RAI1: variants seen among roughly 807,000 people sequenced by gnomAD.
RAI1 encodes retinoic acid-induced protein 1.
Under a neutral mutation model 123.8 loss-of-function variants are expected in RAI1, and 9 were observed. The observed-to-expected ratio is 0.07, with a 90% CI of 0.04 to 0.13. The LOEUF (loss-of-function observed/expected upper bound fraction) is 0.13. Among genes scored for constraint, RAI1 ranks in the 10% least tolerant of loss-of-function variants. The pLI is 1.00. For missense variants in RAI1, 2,256 were observed against 2,545.8 expected (o/e 0.89, Z 2.45); for synonymous variants, 1,231 against 1,127.3 (o/e 1.09, Z -1.84).
chr17:17,778,988 T>C (rs1210685840), intron 2 of RAI1: 1 of 433,880 alleles, frequency 2.3e-6, no homozygotes, highest in East Asian at 7.1e-5. Flanking sequence ...TTCTGTTCAC[T>C]CTGGGAGAAA....
chr17:17,735,816 G>T (rs764360590), intron 2 of RAI1, among the ~76,000 whole-genome samples: 3 of 152,226 alleles, frequency 2.0e-5, no homozygotes, highest in African/African-American at 7.2e-5. Flanking sequence ...AGTGCCTAGG[G>T]CTGTGTATCT....
chr17:17,681,581 C>T lies in RAI1; in HGVS notation c.-361C>T, dbSNP rs1221360118. On this transcript the variant is annotated 5_prime_UTR_variant, in exon 1 of 6. Coordinates refer to ENST00000353383, the MANE Select transcript of RAI1 (RefSeq NM_030665.4). ...GGGCTCCGAGAGACGAGTGGGAGAG[C>T]GAGTGCAGCGAGGGCGAGAGGCGAG... 3.1e-5 allele frequency: 6 copies of T among 190,988 alleles called. No homozygotes were observed. Among genetic ancestry groups the T allele is most frequent in the Admixed American group, 2.4e-4 (4 of 16,494 alleles). 11.8% of individuals were successfully genotyped at this position (190,988 alleles called of 1,614,324 possible).
chr17:17,796,403 C>G lies in RAI1; in HGVS notation c.3455C>G (p.Thr1152Ser). Residue 1152 changes from threonine (T) to serine (S), a missense_variant, in exon 3 of 6, where the codon ACC becomes AGC. Physicochemically the swap from Thr to Ser is moderately conservative, Grantham distance 58. Around this residue, in one of 7 missense-constraint regions of RAI1, gnomAD observed 322 missense variants for 358.0 expected, o/e 0.90. Coordinates refer to ENST00000353383, the MANE Select transcript of RAI1 (RefSeq NM_030665.4). The surrounding 1 kb of genome is among the most constrained non-coding windows in gnomAD (Gnocchi z 5.8). ...ATGATCCTTCGGTCACGCACCAAAA[C>G]CCAGGAGATCTTCCACTCCAAGCGG... ...RSMILRSRTK[T>S]QEIFHSKRRR... 1 of 1,613,736 alleles carries G rather than the reference C, an allele frequency of 6.2e-7. No individual in the cohort carries two copies. The highest frequency in any genetic ancestry group is 8.5e-7 in the Non-Finnish European group (1 of 1,180,026).
intron 1 of RAI1, among the ~76,000 whole-genome samples, chr17:17,720,790 C>T (rs1351955292): frequency 6.6e-6 from 1 of 152,166 alleles, no homozygotes; most frequent in Non-Finnish European, 1.5e-5. Flanking sequence ...TTGTGACTCT[C>T]CATGATACCA....
At position 17,809,931 on chromosome 17, in the gene RAI1, C is replaced by A. The variant is rs2779182; in HGVS notation, c.5710-39C>A. On this transcript the variant is annotated intron_variant, in intron 5 of 5. Coordinates refer to ENST00000353383, the MANE Select transcript of RAI1 (RefSeq NM_030665.4). The surrounding 1 kb of genome is among the most constrained non-coding windows in gnomAD (Gnocchi z 4.9). ...GGCGGGGCCTATGGACTGTGAAGTC[C>A]GAGGTCGTCGGTAACTGGCGGGCGG... is the stretch of plus-strand genomic sequence containing the variant. 823 of 1,558,324 alleles carry A rather than the reference C, an allele frequency of 5.3e-4. 3 individuals are homozygous for A. The African/African-American group carries it at 9.5e-3, about 18-fold the overall frequency.
chr17:17,733,958 G>A (rs1011601323), intron 2 of RAI1, among the ~76,000 whole-genome samples: 1 of 152,140 alleles, frequency 6.6e-6, no homozygotes, highest in African/African-American at 2.4e-5. Flanking sequence ...CTTGGGCCCT[G>A]GGACCACGTG....
Position 17,797,351 on chromosome 17 carries a change from A to G in RAI1, c.4403A>G (p.Tyr1468Cys). ...AAAGGCCCGCTGGAGAAGCGGCCCT[A>G]TCTTGGCCCGGCTCTGCTCCTGACT... The part of the protein sequence containing the change: ...LSKGPLEKRP[Y>C]LGPALLLTPR... The change falls in exon 3 of 6, where the codon TAT (tyrosine) becomes TGT (cysteine). Residue 1468 changes from tyrosine to cysteine, a missense_variant. Around this residue, in one of 7 missense-constraint regions of RAI1, gnomAD observed 410 missense variants for 374.6 expected, o/e 1.09. Coordinates refer to ENST00000353383, the MANE Select transcript of RAI1 (RefSeq NM_030665.4). The G allele has an allele frequency of 1.9e-6, 3 of 1,612,366 alleles. No individual in the cohort carries two copies. The highest frequency in any genetic ancestry group is 2.5e-6 in the Non-Finnish European group (3 of 1,179,696).
At chr17:17,791,245 A>T (rs2032003154) in intron 2 of RAI1, among the ~76,000 whole-genome samples, 2 of 152,168 alleles carry the variant, frequency 1.3e-5, no homozygotes, top group Admixed American at 1.3e-4. Flanking sequence ...TCTGGGGGCC[A>T]TCTGGCTGCC....
chr17:17,719,466 TTGTC>T (rs1418019614), intron 1 of RAI1, among the ~76,000 whole-genome samples: 6 of 152,146 alleles, frequency 3.9e-5, no homozygotes, highest in South Asian at 2.1e-4. Flanking sequence ...CTCACTACCT[TTGTC>T]TGTCAAGTGT....
chr17:17,796,742 G>T lies in RAI1; in HGVS notation c.3794G>T (p.Gly1265Val). The T allele has an allele frequency of 1.2e-6, 2 of 1,613,440 alleles. No homozygotes were observed. Among genetic ancestry groups the T allele is most frequent in the Non-Finnish European group, 1.7e-6 (2 of 1,179,874 alleles). ...GGDGKEERPE[G>V]SPTLFKRMSS... Reference sequence around the variant, plus strand: ...GATGGGAAGGAGGAGAGGCCTGAGGGTTCCCCCACCCTCTTCAAGAGGATG... The same window carrying T: ...GATGGGAAGGAGGAGAGGCCTGAGGTTTCCCCCACCCTCTTCAAGAGGATG... The change falls in exon 3 of 6, where the codon GGT (glycine) becomes GTT (valine). Residue 1265 changes from glycine (G) to valine (V), a missense_variant. By Grantham distance (109) the Gly-to-Val change is moderately radical. Coordinates refer to ENST00000353383, the MANE Select transcript of RAI1 (RefSeq NM_030665.4). The surrounding 1 kb of genome is among the most constrained non-coding windows in gnomAD (Gnocchi z 5.8).
intron 2 of RAI1, chr17:17,777,663 G>A (rs1351322500): frequency 1.3e-5 from 2 of 152,390 alleles, no homozygotes; most frequent in East Asian, 3.9e-4. Context: ...TTTTGGGAAG[G>A]GATGAAGGGA....
At chr17:17,687,586 A>G (rs2142858800) in intron 1 of RAI1, among the ~76,000 whole-genome samples, 1 of 152,130 alleles carries the variant, frequency 6.6e-6, no homozygotes, top group Middle Eastern at 3.4e-3. Flanking sequence ...CTGGAAGGCG[A>G]GATAGGGTCG....
intron 2 of RAI1, among the ~76,000 whole-genome samples, chr17:17,786,369 C>T (rs2031827967): frequency 6.6e-6 from 1 of 152,204 alleles, no homozygotes; most frequent in Non-Finnish European, 1.5e-5. Context: ...TTGTTCTGGA[C>T]AATGGGGAGT....
At chr17:17,694,038 C>G (rs1258654945) in intron 1 of RAI1, among the ~76,000 whole-genome samples, 1 of 152,236 alleles carries the variant, frequency 6.6e-6, no homozygotes, top group Non-Finnish European at 1.5e-5. Flanking sequence ...TGTCCTGGCC[C>G]AGTCAGTGTC....
At chr17:17,739,566 C>T (rs753686456) in intron 2 of RAI1, among the ~76,000 whole-genome samples, 1 of 152,188 alleles carries the variant, frequency 6.6e-6, no homozygotes, top group Non-Finnish European at 1.5e-5. Context: ...GGCTGTGGCC[C>T]CTCCTGCCTT....
At chr17:17,802,224 ACGG>A in intron 3 of RAI1, 1 of 465,022 alleles carries the variant, frequency 2.2e-6, no homozygotes, top group East Asian at 7.0e-5. Context: ...TTAGAGGAGG[ACGG>A]CATCAGATTT....
Position 17,810,090 on chromosome 17 carries a change from T to G in RAI1, c.*109T>G, listed in dbSNP as rs2032700227. Reference sequence around the variant, plus strand: ...CGGGCCTTTGAGCTGCTCCCAGCGCTGGTCCAGAGCCGATCCTTGATCCGG... The same window carrying G: ...CGGGCCTTTGAGCTGCTCCCAGCGCGGGTCCAGAGCCGATCCTTGATCCGG... On this transcript the variant is annotated 3_prime_UTR_variant, in exon 6 of 6. Coordinates refer to ENST00000353383, the MANE Select transcript of RAI1 (RefSeq NM_030665.4). The surrounding 1 kb of genome is among the most constrained non-coding windows in gnomAD (Gnocchi z 4.6). The G allele has an allele frequency of 7.0e-7, 1 of 1,426,526 alleles. No individual in the cohort carries two copies. The highest frequency in any genetic ancestry group is 2.2e-5 in the Admixed American group (1 of 45,134). The allele number at this position is 1,426,526 out of a possible 1,614,324, so 88.4% of individuals were successfully genotyped here.
Position 17,795,232 on chromosome 17 carries a change from C to T in RAI1, c.2284C>T (p.Pro762Ser), listed in dbSNP as rs547045960. 2.5e-6 allele frequency: 4 copies of T among 1,614,032 alleles called. No homozygotes were observed. The highest frequency in any genetic ancestry group is 2.2e-5 in the East Asian group (1 of 44,864). Residue 762 changes from proline to serine, a missense_variant, in exon 3 of 6, where the codon CCT (proline) becomes TCT (serine). Physicochemically the swap from Pro to Ser is moderately conservative, Grantham distance 74. Transcript: ENST00000353383. The surrounding 1 kb of genome is among the most constrained non-coding windows in gnomAD (Gnocchi z 5.9). ...GDACPRWGLHPGELTKGLEQG... is the reference protein window; with the variant it reads ...GDACPRWGLHSGELTKGLEQG... ...TGCTTGTCCCAGGTGGGGATTGCAC[C>T]CTGGCGAGCTTACCAAGGGCCTGGA...
At chr17:17,805,237 G>A (rs2032572443) in intron 4 of RAI1, among the ~76,000 whole-genome samples, 1 of 152,154 alleles carries the variant, frequency 6.6e-6, no homozygotes, top group Admixed American at 6.6e-5. Flanking sequence ...CCTGTATGAT[G>A]GAGATGATAA....
Sources: gnomAD v4.1 joint callset for allele counts (sites outside exome capture counted in the v4.1 genomes callset) on GRCh38, gnomAD v4.1.1 for gene constraint, gnomAD v4.1.1 regional missense constraint, Gnocchi (gnomAD v3.1) non-coding constraint, MANE v1.5 for transcripts, NCBI Gene and HGNC (gene_info 2026-07-23, HGNC 2026-07-21) for gene names.